RBFOX3: variants seen among roughly 807,000 people sequenced by gnomAD.
The protein encoded by RBFOX3 is RNA binding fox-1 homolog 3.
Under a neutral mutation model 48.7 loss-of-function variants are expected in RBFOX3, and 17 were observed. That is an observed-to-expected ratio of 0.35 (90% CI 0.24 to 0.52). The LOEUF (loss-of-function observed/expected upper bound fraction) is 0.52, where lower values mean the gene tolerates loss of function less well. RBFOX3 is among the 20% of genes least tolerant of loss of function. The pLI is 0.94. For synonymous variants in RBFOX3, 212 were observed against 209.5 expected (o/e 1.01, Z -0.10); for missense variants, 382 against 497.5 (o/e 0.77, Z 2.21).
intron 2 of RBFOX3, among the ~76,000 whole-genome samples, chr17:79,317,102 A>C (rs1346750251): frequency 6.6e-6 from 1 of 152,122 alleles, no homozygotes; most frequent in Non-Finnish European, 1.5e-5. Context: ...ATGCTCCCTC[A>C]TGGAACACTC....
chr17:79,550,842 G>A (rs1448360938), intron 1 of RBFOX3, among the ~76,000 whole-genome samples: 1 of 152,198 alleles, frequency 6.6e-6, no homozygotes, highest in Non-Finnish European at 1.5e-5. Context: ...ATGATACTCT[G>A]TTGAAATAAA....
chr17:79,470,583 AG>A (rs1203743398), intron 2 of RBFOX3, among the ~76,000 whole-genome samples: 4 of 152,152 alleles, frequency 2.6e-5, no homozygotes, highest in Non-Finnish European at 5.9e-5. Flanking sequence ...GTGCTTCTCA[AG>A]CTAGGGAACC....
chr17:79,093,627 C>T (rs932966897), intron 14 of RBFOX3, among the ~76,000 whole-genome samples: 1 of 152,176 alleles, frequency 6.6e-6, no homozygotes, highest in Non-Finnish European at 1.5e-5. Flanking sequence ...GAACCTCCTC[C>T]CTCCTCACTC....
the RBFOX3 span, among the ~76,000 whole-genome samples, chr17:79,619,295 A>T: frequency 6.6e-6 from 1 of 152,152 alleles, no homozygotes; most frequent in Admixed American, 6.5e-5. Flanking sequence ...GAGGCTGAAA[A>T]CACAGAAACT....
intron 1 of RBFOX3, among the ~76,000 whole-genome samples, chr17:79,500,596 C>T (rs1336170212): frequency 6.6e-6 from 1 of 152,184 alleles, no homozygotes; most frequent in Non-Finnish European, 1.5e-5. Flanking sequence ...CATAGTTTGT[C>T]GTGCAGTAAT....
chr17:79,492,389 T>A (rs1394737760), intron 1 of RBFOX3, among the ~76,000 whole-genome samples: 2 of 152,174 alleles, frequency 1.3e-5, no homozygotes, highest in African/African-American at 4.8e-5. Flanking sequence ...AATTCTAAGA[T>A]TAGGTCTTAA....
chr17:79,304,187 C>A (rs2075763186), intron 3 of RBFOX3, among the ~76,000 whole-genome samples: 1 of 151,988 alleles, frequency 6.6e-6, no homozygotes, highest in African/African-American at 2.4e-5. Flanking sequence ...TGTCTTAGTA[C>A]TTGCAAACAG....
chr17:79,579,591 C>CGGGGCT (rs1215482560), intron 1 of RBFOX3, among the ~76,000 whole-genome samples: 5 of 151,956 alleles, frequency 3.3e-5, no homozygotes, highest in Admixed American at 3.3e-4. Context: ...AGGCAAGCTC[C>CGGGGCT]GGGGCTGGCG....
intron 3 of RBFOX3, among the ~76,000 whole-genome samples, chr17:79,295,749 A>G (rs931109518): frequency 6.6e-6 from 1 of 152,032 alleles, no homozygotes; most frequent in Non-Finnish European, 1.5e-5. Context: ...GGATGAGCCA[A>G]GCTGCTCAGG....
intron 9 of RBFOX3, among the ~76,000 whole-genome samples, chr17:79,101,105 CA>C (rs2076347111): frequency 6.6e-6 from 1 of 152,152 alleles, no homozygotes; most frequent in Admixed American, 6.5e-5. Context: ...TCCTGTTTTG[CA>C]GATGAAGAGA....
chr17:79,269,650 C>T (rs932799920), intron 3 of RBFOX3, among the ~76,000 whole-genome samples: 1 of 152,124 alleles, frequency 6.6e-6, no homozygotes, highest in Non-Finnish European at 1.5e-5. Flanking sequence ...GACCTCCCCT[C>T]CTGTTCCACT....
chr17:79,248,477 A>T (rs1402263634), intron 3 of RBFOX3, among the ~76,000 whole-genome samples: 1 of 152,204 alleles, frequency 6.6e-6, no homozygotes, highest in Non-Finnish European at 1.5e-5. Context: ...CACTTGCACC[A>T]AGATGCCTTC....
chr17:79,130,282 G>A (rs1030625602), intron 4 of RBFOX3, among the ~76,000 whole-genome samples: 1 of 152,138 alleles, frequency 6.6e-6, no homozygotes, highest in Non-Finnish European at 1.5e-5. Context: ...TTCCTGGAAG[G>A]CCCAGGGCAG....
intron 1 of RBFOX3, among the ~76,000 whole-genome samples, chr17:79,555,436 A>G (rs1159845674): frequency 2.8e-5 from 3 of 109,048 alleles, no homozygotes; most frequent in Non-Finnish European, 5.0e-5. Context: ...GGTGGTGATG[A>G]TGGTAGTTGT....
At chr17:79,434,802 T>A (rs553164331) in intron 2 of RBFOX3, among the ~76,000 whole-genome samples, 5 of 152,282 alleles carry the variant, frequency 3.3e-5, no homozygotes, top group African/African-American at 1.2e-4. Flanking sequence ...GGTTCATTAA[T>A]GGGGAGAGAA....
At chr17:79,368,582 T>C (rs1292613231) in intron 2 of RBFOX3, among the ~76,000 whole-genome samples, 3 of 152,156 alleles carry the variant, frequency 2.0e-5, no homozygotes, top group Non-Finnish European at 2.9e-5. Flanking sequence ...GTGGGTGACC[T>C]CATGTTGCCA....
chr17:79,483,207 C>G (rs1233879583), intron 1 of RBFOX3, among the ~76,000 whole-genome samples: 1 of 151,954 alleles, frequency 6.6e-6, no homozygotes, highest in Non-Finnish European at 1.5e-5. Flanking sequence ...AAATAACATA[C>G]GAGGTCTCAC....
At chr17:79,166,071 G>A (rs1324076954) in intron 4 of RBFOX3, among the ~76,000 whole-genome samples, 3 of 152,326 alleles carry the variant, frequency 2.0e-5, no homozygotes, top group South Asian at 4.1e-4. Flanking sequence ...ATCTGTACCC[G>A]GCGTGCGGCA....
At chr17:79,548,890 G>A (rs187941624) in intron 1 of RBFOX3, among the ~76,000 whole-genome samples, 53 of 152,332 alleles carry the variant, frequency 3.5e-4, no homozygotes, top group African/African-American at 1.3e-3. Context: ...AAGCTAGCAA[G>A]TGCCATCACT....
Sources: gnomAD v4.1 joint callset for allele counts (sites outside exome capture counted in the v4.1 genomes callset) on GRCh38, gnomAD v4.1.1 for gene constraint, MANE v1.5 for transcripts, NCBI Gene and HGNC (gene_info 2026-07-23, HGNC 2026-07-21) for gene names.